The following GALK1 variants were observed in gnomAD, a reference collection of about 807,000 sequenced individuals.
The protein encoded by GALK1 is galactokinase.
A neutral mutation model predicts 38.6 loss-of-function variants in GALK1; 30 were observed. That is an observed-to-expected ratio of 0.78 (90% CI 0.58 to 1.05). GALK1 has a LOEUF of 1.05. Ranked by LOEUF, GALK1 falls within the 50% of genes least tolerant of loss-of-function variation. The probability of loss-of-function intolerance (pLI) is 0.00; values close to 1 mark genes in which losing one functional copy is unlikely to be tolerated. For missense variants in GALK1, 512 were observed against 540.5 expected, an observed-to-expected ratio of 0.95 and a Z score of 0.52; for synonymous variants, 240 against 233.6, an observed-to-expected ratio of 1.03 and a Z score of -0.25.
chr17:75,758,407 C>T lies in GALK1; in HGVS notation c.945-35G>A, dbSNP rs767868046. The T allele has an allele frequency of 2.1e-5, 33 of 1,578,272 alleles. No homozygotes were observed. The Middle Eastern group carries it at 5.0e-4, about 24-fold the overall frequency. On this transcript the variant is annotated intron_variant, in intron 6 of 7. Coordinates refer to ENST00000588479, the MANE Select transcript of GALK1 (RefSeq NM_000154.2). The stretch of plus-strand genomic sequence containing the variant: ...GGATATTGAAGGGGTGGGCCTGGGC[C>T]GGCCTGTGCCCGGCAGGAGCGGGGC...
intron 5 of GALK1, among the ~76,000 whole-genome samples, chr17:75,759,468 G>C (rs998437022): frequency 1.3e-5 from 2 of 151,574 alleles, no homozygotes; most frequent in African/African-American, 4.9e-5. Context: ...GAATGGAAAT[G>C]AGACAGTGGG....
At chr17:75,757,443 T>C (rs1189585504), downstream of GALK1, 5 of 1,612,306 alleles carry the variant, frequency 3.1e-6, no homozygotes, top group Non-Finnish European at 4.2e-6. Flanking sequence ...GCCCAGCACC[T>C]GGAGGCAGGC....
downstream of GALK1, chr17:75,754,401 T>C (rs2061439025): frequency 2.7e-6 from 2 of 732,710 alleles, no homozygotes; most frequent in Non-Finnish European, 2.3e-6. Flanking sequence ...TGGGTGGCCC[T>C]TGGGCTCCTG....
intron 5 of GALK1, among the ~76,000 whole-genome samples, chr17:75,762,204 C>G (rs1012047543): frequency 3.3e-5 from 5 of 152,102 alleles, no homozygotes; most frequent in Non-Finnish European, 7.4e-5. Flanking sequence ...GTAATCTCAG[C>G]TACTTGGAAG....
At chr17:75,755,587 C>T (rs1599318074), downstream of GALK1, 5 of 1,361,866 alleles carry the variant, frequency 3.7e-6, no homozygotes, top group Admixed American at 1.7e-5. Context: ...GTTGTCCAGC[C>T]AGCGGTCAGT....
chr17:75,761,630 G>GA (rs76350654), intron 5 of GALK1, among the ~76,000 whole-genome samples: 657 of 61,404 alleles, frequency 0.011, 1 homozygote, highest in African/African-American at 0.017. Context: ...AAAAAAAAAA[G>GA]AAAAAAAAAA....
At chr17:75,754,685 C>A (rs931501406), downstream of GALK1, 27 of 1,614,156 alleles carry the variant, frequency 1.7e-5, no homozygotes, top group Non-Finnish European at 2.0e-5. Flanking sequence ...TGAGCCCACA[C>A]GTGCCCCACC....
chr17:75,754,959 C>CAT, downstream of GALK1: 2 of 1,438,906 alleles, frequency 1.4e-6, no homozygotes, highest in African/African-American at 1.7e-5. Flanking sequence ...CACACGTGCA[C>CAT]ACGCATGCAC....
At position 75,757,945 on chromosome 17, in the gene GALK1, TG is replaced by T. The variant is rs2061558426; in HGVS notation, c.*110del. ...CCTCTAGAGGAGGCAGGTACCACAT[TG>T]GAGGCACAAGTTTATTGAGCACCCG... On this transcript the variant is annotated 3_prime_UTR_variant, in exon 8 of 8. Transcript: ENST00000588479. The T allele has an allele frequency of 8.0e-7, 1 of 1,257,828 alleles. No homozygotes were observed. The highest frequency in any genetic ancestry group is 1.1e-6 in the Non-Finnish European group (1 of 881,048). 77.9% of individuals were successfully genotyped at this position (1,257,828 alleles called of 1,614,324 possible). A position where few individuals can be genotyped will look rare whatever the true frequency, so the allele number is the denominator to read the frequency against.
chr17:75,754,858 C>T (rs768320516), downstream of GALK1: 4 of 1,613,354 alleles, frequency 2.5e-6, no homozygotes, highest in Non-Finnish European at 3.4e-6. Context: ...CTAACCCTTC[C>T]TCTCTTCCAG....
intron 2 of GALK1, 175 bp from the exon 3 acceptor site, chr17:75,763,614 T>A (rs1254892251): frequency 2.6e-6 from 2 of 761,556 alleles, no homozygotes; most frequent in Non-Finnish European, 4.3e-6. Context: ...CCCTCCATTT[T>A]CCCACCCTCT....
rs141983398 is a variant in GALK1 at position 75,763,106 on chromosome 17, G to T, written c.519C>A (p.Ala173=). The T allele has an allele frequency of 1.9e-6, 3 of 1,612,256 alleles. No individual in the cohort carries two copies. The highest frequency in any genetic ancestry group is 2.5e-6 in the Non-Finnish European group (3 of 1,180,016). The part of the protein sequence containing the change: ...IAARAQVCQQ[A]EHSFAGMPCG... The stretch of plus-strand genomic sequence containing the variant: ...AGGGCATCCCTGCGAAGCTGTGCTC[G>T]GCCTGCTGACACACCTGGGCGCGGG... Residue 173 remains alanine (A), a synonymous_variant, in exon 4 of 8, where the codon GCC becomes GCA. Coordinates refer to ENST00000588479, the MANE Select transcript of GALK1 (RefSeq NM_000154.2).
chr17:75,752,542 C>T lies in GALK1; in HGVS notation c.*23-805G>A, dbSNP rs368526254. 2.8e-5 allele frequency: 45 copies of T among 1,613,614 alleles called. No individual in the cohort carries two copies. Among genetic ancestry groups the T allele is most frequent in the Admixed American group, 1.5e-4 (9 of 60,028 alleles). On this transcript the variant is annotated intron_variant, in intron 8 of 8. Coordinates refer to the GALK1 transcript ENST00000225614. ...AGCGATGACGTTCTACGCTCTCCAT[C>T]GGGCAGCCAGAGGCCCAGCGTCTCC...
At chr17:75,755,849 C>G, downstream of GALK1, 1 of 1,603,026 alleles carries the variant, frequency 6.2e-7, no homozygotes, top group Non-Finnish European at 8.5e-7. Flanking sequence ...TGCTGAACGG[C>G]GGTGAGGCAT....
chr17:75,757,181 G>A (rs765302091), downstream of GALK1: 10 of 1,612,202 alleles, frequency 6.2e-6, no homozygotes, highest in Non-Finnish European at 7.6e-6. Flanking sequence ...CCTCTGACTG[G>A]CCTATCTGCC....
downstream of GALK1, chr17:75,755,307 C>A: frequency 1.5e-6 from 2 of 1,343,294 alleles, no homozygotes; most frequent in Non-Finnish European, 2.0e-6. Flanking sequence ...CACTGCTTCC[C>A]CTCCATTCCA....
intron 2 of GALK1, 141 bp from the exon 3 acceptor site, chr17:75,763,580 C>T (rs2061597573): frequency 6.1e-6 from 6 of 976,782 alleles, no homozygotes; most frequent in Non-Finnish European, 9.2e-6. Flanking sequence ...AAGCCACCAA[C>T]CTGCTGGGCC....
chr17:75,757,749 C>A, downstream of GALK1: 1 of 755,262 alleles, frequency 1.3e-6, no homozygotes, highest in Non-Finnish European at 2.2e-6. Flanking sequence ...CTATTTGTAA[C>A]CAAAGAGCTG....
downstream of GALK1, chr17:75,754,376 T>C (rs2061438372): frequency 3.1e-6 from 2 of 637,452 alleles, no homozygotes; most frequent in Non-Finnish European, 5.5e-6. Flanking sequence ...CCAGAGGATA[T>C]GGGCTGTGGA....
Sources: gnomAD v4.1 joint callset for allele counts (sites outside exome capture counted in the v4.1 genomes callset) on GRCh38, gnomAD v4.1.1 for gene constraint, MANE v1.5 for transcripts, NCBI Gene and HGNC (gene_info 2026-07-23, HGNC 2026-07-21) for gene names.